GRAMD2B: variants seen among roughly 807,000 people sequenced by gnomAD.
GRAMD2B encodes the protein GRAM domain containing 2B, also known as GRAM domain-containing protein 2B.
GRAMD2B carries 41 observed loss-of-function variants against 59.2 expected under a neutral mutation model. The ratio of observed to expected loss-of-function variants is 0.69; its 90% CI spans 0.54 to 0.90. GRAMD2B has a LOEUF of 0.90. Ranked by LOEUF, GRAMD2B falls within the 40% of genes least tolerant of loss-of-function variation. The pLI, the probability that GRAMD2B is intolerant of heterozygous loss-of-function variation, is 0.00. For missense variants in GRAMD2B, 424 were observed against 500.5 expected (o/e 0.85, Z 1.46); for synonymous variants, 161 against 182.7 (o/e 0.88, Z 0.96).
At chr5:126,367,432 TGGA>T (rs70994862), upstream of GRAMD2B, among the ~76,000 whole-genome samples, 6,060 of 140,692 alleles carry the variant, frequency 0.043, 163 homozygotes, top group African/African-American at 0.062. Flanking sequence ...CTGTAAAAAC[TGGA>T]GGAGGAGGAG....
rs148534598 is a variant in GRAMD2B at position 126,373,824 on chromosome 5, G to T, written c.125+2257G>T. Among the ~76,000 whole-genome samples, 410 of 152,316 alleles carry T rather than the reference G, an allele frequency of 2.7e-3. 2 individuals carry two copies. Among genetic ancestry groups the T allele is most frequent in the Non-Finnish European group, 4.6e-3 (314 of 68,024 alleles). ...GACTGAGAAGGAGCGTGGTTGCCCT[G>T]CATAGGGAAGATAGGGAAGAAGTCT... is the stretch of plus-strand genomic sequence containing the variant. On this transcript the variant is annotated intron_variant, in intron 1 of 8. Coordinates refer to the GRAMD2B transcript ENST00000506445.
intron 11 of GRAMD2B, among the ~76,000 whole-genome samples, chr5:126,486,616 C>T (rs1772979333): frequency 6.6e-6 from 1 of 152,178 alleles, no homozygotes; most frequent in Non-Finnish European, 1.5e-5. Flanking sequence ...CAACTTGGGT[C>T]TGGCTCTGAC....
chr5:126,458,447 A>AAC (rs1474725760), intron 1 of GRAMD2B, among the ~76,000 whole-genome samples: 24 of 150,680 alleles, frequency 1.6e-4, no homozygotes, highest in African/African-American at 5.4e-4. Flanking sequence ...CTCAAAACAA[A>AAC]AAAAAAAAAA....
At chr5:126,392,732 C>A (rs775305234) in intron 1 of GRAMD2B, among the ~76,000 whole-genome samples, 1 of 151,482 alleles carries the variant, frequency 6.6e-6, no homozygotes, top group Admixed American at 6.6e-5. Flanking sequence ...GCAGGGGGTG[C>A]GGGATGGGAA....
chr5:126,423,798 T>A, intron 1 of GRAMD2B, 109 bp downstream of exon 1: 1 of 1,013,906 alleles, frequency 9.9e-7, no homozygotes, highest in Non-Finnish European at 1.4e-6. Context: ...AGCTCCTATA[T>A]GGACAATCTT....
intron 1 of GRAMD2B, among the ~76,000 whole-genome samples, chr5:126,373,802 T>C (rs1334898624): frequency 6.6e-6 from 1 of 152,180 alleles, no homozygotes; most frequent in African/African-American, 2.4e-5. Context: ...ATCATAAGAC[T>C]GAGAAGGAGC....
chr5:126,490,617 A>G (rs1773749532), intron 13 of GRAMD2B, among the ~76,000 whole-genome samples: 1 of 152,200 alleles, frequency 6.6e-6, no homozygotes, highest in Admixed American at 6.5e-5. Context: ...TCTAAGTATT[A>G]AAAAAGAGGT....
Position 126,493,244 on chromosome 5 carries a change from T to C in GRAMD2B, c.*288T>C. 1 of 404,280 alleles carries C rather than the reference T, an allele frequency of 2.5e-6. No homozygotes were observed. Among genetic ancestry groups the C allele is most frequent in the South Asian group, 3.8e-5 (1 of 26,590 alleles). 25.0% of individuals were successfully genotyped at this position (404,280 alleles called of 1,614,324 possible). ...GGAAGGGCCCAGCGAACACACTCTC[T>C]TGGATAATTACCACGATGGCGTCAG... On this transcript the variant is annotated 3_prime_UTR_variant, in exon 14 of 14. Transcript: ENST00000285689.
chr5:126,467,145 C>T (rs1006190395), intron 2 of GRAMD2B, among the ~76,000 whole-genome samples: 7 of 151,876 alleles, frequency 4.6e-5, no homozygotes, highest in African/African-American at 1.5e-4. Flanking sequence ...AAAAATTAGC[C>T]GGGTGTGGTA....
intron 1 of GRAMD2B, among the ~76,000 whole-genome samples, chr5:126,440,680 A>G (rs929979551): frequency 1.3e-5 from 2 of 152,218 alleles, no homozygotes; most frequent in Non-Finnish European, 2.9e-5. Context: ...GGAAGTAGGA[A>G]GTCTTACAAT....
chr5:126,481,793 C>T (rs1176526001), intron 8 of GRAMD2B, among the ~76,000 whole-genome samples: 1 of 152,040 alleles, frequency 6.6e-6, no homozygotes, highest in Non-Finnish European at 1.5e-5. Context: ...TATTGAAACC[C>T]TGTCTCTGCT....
chr5:126,478,140 G>GA (rs11376080), intron 6 of GRAMD2B, among the ~76,000 whole-genome samples: 48,227 of 126,766 alleles, frequency 0.38, 9,941 homozygotes, highest in East Asian at 0.75. Context: ...GTCTTAAAGG[G>GA]AAAAAAAAAA....
intron 1 of GRAMD2B, among the ~76,000 whole-genome samples, chr5:126,449,919 A>G (rs931741509): frequency 1.3e-5 from 2 of 152,184 alleles, no homozygotes; most frequent in African/African-American, 4.8e-5. Flanking sequence ...GAGACTGAGG[A>G]AGTAGCAATG....
intron 1 of GRAMD2B, chr5:126,465,106 G>A: frequency 7.6e-6 from 9 of 1,182,980 alleles, no homozygotes; most frequent in Non-Finnish European, 8.4e-6. Context: ...TGTGCAGGGC[G>A]CTCCCAGCCT....
chr5:126,482,157 G>T (rs1772006482), intron 8 of GRAMD2B, among the ~76,000 whole-genome samples: 1 of 152,180 alleles, frequency 6.6e-6, no homozygotes, highest in Non-Finnish European at 1.5e-5. Flanking sequence ...ACTAGTGGTT[G>T]CCAGAGAATG....
chr5:126,464,158 A>C (rs936353556), intron 1 of GRAMD2B, among the ~76,000 whole-genome samples: 2 of 152,246 alleles, frequency 1.3e-5, no homozygotes, highest in Admixed American at 1.3e-4. Flanking sequence ...TATGCTGTGA[A>C]AAGTGATCAG....
In GRAMD2B at chr5:126,477,829, C is replaced by T. The variant is rs750155321; in HGVS notation, c.582+42C>T. ...GCGAGGGCATCTTTGCTTTGTCCTC[C>T]TGCTCTGGGCTCTGCTGCCTAAGGG... On this transcript the variant is annotated intron_variant, in intron 6 of 13. Coordinates refer to ENST00000285689, the MANE Select transcript of GRAMD2B (RefSeq NM_023927.4). The T allele has an allele frequency of 3.4e-6, 4 of 1,164,448 alleles. No individual in the cohort carries two copies. In the South Asian group the frequency reaches 4.9e-5, roughly 14 times the overall value. 72.1% of individuals were successfully genotyped at this position (1,164,448 alleles called of 1,614,324 possible). A position where few individuals can be genotyped will look rare whatever the true frequency, so the allele number is the denominator to read the frequency against.
In GRAMD2B at chr5:126,473,357, A is replaced by ATG; in HGVS notation, c.475_476insTG (p.Lys159MetfsTer13). ...TTGTTTTCATTCCAAAGTCTTTGGA[A>ATG]AAGACACAAAGGTTGGTATAATTAA... On this transcript the variant is annotated frameshift_variant, in exon 5 of 14. Coordinates refer to ENST00000285689, the MANE Select transcript of GRAMD2B (RefSeq NM_023927.4). LOFTEE classifies it high-confidence loss of function. The ATG allele has an allele frequency of 7.0e-7, 1 of 1,418,754 alleles. No individual in the cohort carries two copies. Among genetic ancestry groups the ATG allele is most frequent in the Non-Finnish European group, 9.6e-7 (1 of 1,039,136 alleles). The allele number at this position is 1,418,754 out of a possible 1,614,324, so 87.9% of individuals were successfully genotyped here.
chr5:126,485,892 C>G (rs911506148), intron 11 of GRAMD2B, 119 bp downstream of exon 11: 1 of 619,102 alleles, frequency 1.6e-6, no homozygotes, highest in Non-Finnish European at 2.7e-6. Context: ...TGACCTACAT[C>G]TTTACTTTGA....
Sources: gnomAD v4.1 joint callset for allele counts (sites outside exome capture counted in the v4.1 genomes callset) on GRCh38, gnomAD v4.1.1 for gene constraint, MANE v1.5 for transcripts, NCBI Gene and HGNC (gene_info 2026-07-23, HGNC 2026-07-21) for gene names.